The following LIMS1 variants were observed in gnomAD, a reference collection of about 807,000 sequenced individuals.
LIMS1 encodes LIM and senescent cell antigen-like-containing domain protein 1.
In LIMS1, 18 loss-of-function variants were observed where a neutral mutation model predicts 44.1. The ratio of observed to expected loss-of-function variants is 0.41; its 90% confidence interval spans 0.28 to 0.61. LIMS1 has a LOEUF of 0.61. Among genes scored for constraint, LIMS1 ranks in the 20% least tolerant of loss-of-function variants. The pLI, the probability that LIMS1 is intolerant of heterozygous loss-of-function variation, is 0.32. For missense variants in LIMS1, 201 were observed against 422.0 expected (o/e 0.48, Z 4.59); for synonymous variants, 93 against 149.1 (o/e 0.62, Z 2.74).
rs1279664106 is a variant in LIMS1 at position 108,667,097 on chromosome 2, AC to A, written c.193-3680del. Among the ~76,000 whole-genome samples, 11 of 151,908 alleles carry A rather than the reference AC, an allele frequency of 7.2e-5. 1 individual carries two copies. In the East Asian group the frequency reaches 1.9e-3, roughly 27 times the overall value. ...TGAAGGCTGGAGGGTGGGGCTGAAA[AC>A]CCCAACCATCCGATTCTGCCTTGGT... On this transcript the variant is annotated intron_variant, in intron 2 of 9. Coordinates refer to ENST00000544547, the Ensembl canonical transcript of LIMS1.
At position 108,534,426 on chromosome 2, in the gene LIMS1, C is replaced by A. The variant is rs960416275; in HGVS notation, c.-137C>A. The A allele has an allele frequency of 2.6e-5, 14 of 547,670 alleles. No homozygotes were observed. In the Admixed American group the frequency reaches 4.3e-4, roughly 17 times the overall value. The allele number at this position is 547,670 out of a possible 1,614,324, so 33.9% of individuals were successfully genotyped here. On this transcript the variant is annotated 5_prime_UTR_variant, in exon 1 of 10. Transcript: ENST00000544547. ...TTCCCCCCCCTCCCGCGCCCCCGCG[C>A]GGCCGGCCCCTGGCCTTCCTCCCCT... is the stretch of plus-strand genomic sequence containing the variant.
chr2:108,665,743 A>G (rs930629851), intron 2 of LIMS1, among the ~76,000 whole-genome samples: 14 of 151,810 alleles, frequency 9.2e-5, no homozygotes, highest in Non-Finnish European at 1.8e-4. Context: ...TCAGGCTGGT[A>G]TCGAACTCCT....
At chr2:108,536,600 G>A (rs1684151533) in intron 1 of LIMS1, among the ~76,000 whole-genome samples, 1 of 152,200 alleles carries the variant, frequency 6.6e-6, no homozygotes, top group Admixed American at 6.5e-5. Context: ...TTTTGAGACA[G>A]TGTCTTGCTT....
At chr2:108,685,178 A>T (rs1481745899) in exon 10 of LIMS1, 1 of 152,072 alleles carries the variant, frequency 6.6e-6, no homozygotes. Context: ...CTTATAATTA[A>T]TTTGATTTAT....
intron 1 of LIMS1, among the ~76,000 whole-genome samples, chr2:108,564,496 C>T (rs1272902816): frequency 6.6e-6 from 1 of 152,090 alleles, no homozygotes; most frequent in East Asian, 1.9e-4. Flanking sequence ...GAGGAATAGG[C>T]TTGCAGGATT....
exon 8 of LIMS1, chr2:108,678,015 A>G (rs1256769596): frequency 5.6e-6 from 9 of 1,605,030 alleles, no homozygotes; most frequent in Non-Finnish European, 7.6e-6. Flanking sequence ...CAATCGTGTT[A>G]TAGAAGGTGA....
chr2:108,536,404 A>G (rs1459909899), intron 1 of LIMS1, among the ~76,000 whole-genome samples: 1 of 152,074 alleles, frequency 6.6e-6, no homozygotes, highest in East Asian at 1.9e-4. Context: ...CTCATATCTC[A>G]TGTAAGTGGA....
At chr2:108,662,275 T>C (rs775925971) in intron 2 of LIMS1, 2 of 1,612,082 alleles carry the variant, frequency 1.2e-6, no homozygotes, top group Non-Finnish European at 8.5e-7. Context: ...GCATGACCGC[T>C]TCCTGAGCTC....
Position 108,642,444 on chromosome 2 carries a change from C to T in LIMS1, c.33-17161C>T, listed in dbSNP as rs1357006761. On this transcript the variant is annotated intron_variant, in intron 1 of 9. Transcript: ENST00000544547. ...GCGCGATCTCGGCTCACTGCAAGCT[C>T]CGCCTCCCGGGTTCACGCCATTCTC... Among the ~76,000 whole-genome samples the T allele has an allele frequency of 5.6e-5, 8 of 143,616 alleles. No homozygotes were observed. The East Asian group carries it at 1.8e-3, about 32-fold the overall frequency. 94.2% of individuals were successfully genotyped at this position (143,616 alleles called of 152,430 possible).
chr2:108,599,095 A>C (rs1686867543), intron 1 of LIMS1, among the ~76,000 whole-genome samples: 1 of 151,978 alleles, frequency 6.6e-6, no homozygotes, highest in Admixed American at 6.6e-5. Flanking sequence ...GACTGTAGTC[A>C]CCCTGTTGTG....
chr2:108,596,459 T>C (rs1165964073), intron 1 of LIMS1, among the ~76,000 whole-genome samples: 1 of 152,262 alleles, frequency 6.6e-6, no homozygotes, highest in African/African-American at 2.4e-5. Flanking sequence ...AAATGTAAAA[T>C]GATTTACAGA....
intron 1 of LIMS1, among the ~76,000 whole-genome samples, chr2:108,616,291 G>A (rs907485297): frequency 4.9e-5 from 7 of 142,184 alleles, no homozygotes; most frequent in South Asian, 4.7e-4. Context: ...CTGCAGCCTC[G>A]ACCTTCCAGG....
At chr2:108,635,604 G>A (rs1386180638) in intron 1 of LIMS1, among the ~76,000 whole-genome samples, 1 of 149,752 alleles carries the variant, frequency 6.7e-6, no homozygotes, top group Non-Finnish European at 1.5e-5. Flanking sequence ...GGGAGGCTGA[G>A]GCAGAGAATT....
chr2:108,626,929 A>G (rs1688607298), intron 1 of LIMS1, among the ~76,000 whole-genome samples: 1 of 152,256 alleles, frequency 6.6e-6, no homozygotes, highest in Admixed American at 6.5e-5. Context: ...TCAGTCAACG[A>G]GAGACTACAA....
intron 1 of LIMS1, among the ~76,000 whole-genome samples, chr2:108,649,791 G>A (rs1271227715): frequency 6.6e-6 from 1 of 152,126 alleles, no homozygotes; most frequent in Non-Finnish European, 1.5e-5. Flanking sequence ...ACACAGGGAA[G>A]GGAACATCAC....
chr2:108,627,553 G>T (rs2148887416), intron 1 of LIMS1, among the ~76,000 whole-genome samples: 1 of 152,022 alleles, frequency 6.6e-6, no homozygotes, highest in African/African-American at 2.4e-5. Context: ...TCAATAATTT[G>T]GTTGCTTTCC....
chr2:108,555,221 G>A (rs547625768), intron 1 of LIMS1, among the ~76,000 whole-genome samples: 2 of 152,136 alleles, frequency 1.3e-5, no homozygotes, highest in African/African-American at 4.8e-5. Context: ...GGAGGGGGAA[G>A]CATTTTCCTT....
rs201467497 is a variant in LIMS1 at position 108,551,489 on chromosome 2, GCGCACACACACACACA to G, written c.32+16897_32+16912del. Among the ~76,000 whole-genome samples the G allele has an allele frequency of 0.019, 2,085 of 111,954 alleles. 163 individuals are homozygous for G. In the East Asian group the frequency reaches 0.25, roughly 14 times the overall value. The allele number at this position is 111,954 out of a possible 152,430, so 73.4% of individuals were successfully genotyped here. ...ACTCTATATACATATATGCGCGCGCGCGCACACACACACACACACACACACACACACACACACACAC... is the reference window on the plus strand; with the variant it reads ...ACTCTATATACATATATGCGCGCGCGCACACACACACACACACACACACAC... On this transcript the variant is annotated intron_variant, in intron 1 of 9. Coordinates refer to ENST00000544547, the Ensembl canonical transcript of LIMS1.
intron 1 of LIMS1, among the ~76,000 whole-genome samples, chr2:108,638,936 G>A (rs779974454): frequency 6.6e-6 from 1 of 151,882 alleles, no homozygotes. Context: ...CCAGCTACTC[G>A]GGAGGCTGAG....
Sources: allele counts gnomAD v4.1 joint callset (sites outside exome capture counted in the v4.1 genomes callset), GRCh38; gene constraint gnomAD v4.1.1; transcripts MANE v1.5; gene names NCBI Gene and HGNC (gene_info 2026-07-23, HGNC 2026-07-21).